BCO2: variants seen among roughly 807,000 people sequenced by gnomAD.
BCO2 encodes the protein beta-carotene oxygenase 2, also known as carotenoid-cleaving dioxygenase, mitochondrial.
In BCO2, 56 loss-of-function variants were observed where a neutral mutation model predicts 65.8. The ratio of observed to expected loss-of-function variants is 0.85; its 90% CI spans 0.69 to 1.06. The LOEUF (loss-of-function observed/expected upper bound fraction) is 1.06, where lower values mean the gene tolerates loss of function less well. Ranked by LOEUF, BCO2 falls within the 50% of genes least tolerant of loss-of-function variation. The pLI, the probability that BCO2 is intolerant of heterozygous loss-of-function variation, is 0.00. For missense variants in BCO2, 675 were observed against 698.5 expected, an observed-to-expected ratio of 0.97 and a Z score of 0.38; for synonymous variants, 233 against 242.3, an observed-to-expected ratio of 0.96 and a Z score of 0.36.
At chr11:112,189,224 C>T (rs924328147) in intron 2 of BCO2, among the ~76,000 whole-genome samples, 4 of 152,090 alleles carry the variant, frequency 2.6e-5, no homozygotes, top group Admixed American at 2.0e-4. Flanking sequence ...TGTGGTGGCT[C>T]ATGCCTGTAA....
intron 8 of BCO2, among the ~76,000 whole-genome samples, chr11:112,209,878 C>T (rs535457661): frequency 6.6e-6 from 1 of 151,948 alleles, no homozygotes; most frequent in Non-Finnish European, 1.5e-5. Flanking sequence ...GTTTAGAATT[C>T]TTTGTATCTA....
intron 8 of BCO2, among the ~76,000 whole-genome samples, chr11:112,213,334 G>T (rs1170248757): frequency 3.3e-5 from 5 of 151,418 alleles, no homozygotes; most frequent in African/African-American, 1.2e-4. Context: ...GTAAAGACAG[G>T]GTTTCTCCAT....
intron 7 of BCO2, 119 bp downstream of exon 7, chr11:112,200,892 G>C (rs1194312812): frequency 9.4e-7 from 1 of 1,068,224 alleles, no homozygotes; most frequent in African/African-American, 1.6e-5. Context: ...TTTAATCAAG[G>C]ATATTACCTT....
intron 2 of BCO2, among the ~76,000 whole-genome samples, chr11:112,189,274 A>G (rs901988322): frequency 6.6e-6 from 1 of 152,180 alleles, no homozygotes; most frequent in Non-Finnish European, 1.5e-5. Context: ...TAACCTCAGC[A>G]CTTTGGGAGG....
chr11:112,183,256 C>T, intron 2 of BCO2: 1 of 735,326 alleles, frequency 1.4e-6, no homozygotes, highest in Non-Finnish European at 2.5e-6. Flanking sequence ...TTTTCTTTCT[C>T]CATCCACTCA....
At chr11:112,183,065 T>C (rs1457993055) in intron 2 of BCO2, 5 of 1,205,026 alleles carry the variant, frequency 4.1e-6, no homozygotes, top group Non-Finnish European at 6.2e-6. Flanking sequence ...TGGCAGGAAC[T>C]GATTTAGATA....
chr11:112,193,452 AT>A (rs1566779324), intron 2 of BCO2, 21 bp from the exon 3 acceptor site: 1 of 1,592,416 alleles, frequency 6.3e-7, no homozygotes, highest in South Asian at 1.1e-5. Flanking sequence ...ACTGATATTT[AT>A]TTATTTTCTC....
In BCO2 at chr11:112,179,680, A is replaced by G. The variant is rs1866978680; in HGVS notation, c.293+198A>G. 3.2e-5 allele frequency: 19 copies of G among 591,178 alleles called. 1 individual carries two copies. The highest frequency in any genetic ancestry group is 2.9e-4 in the South Asian group (14 of 48,916). The allele number at this position is 591,178 out of a possible 1,614,324, so 36.6% of individuals were successfully genotyped here. ...TCCTGCTTTTTCTGCTCTGTAGACTATTGTAAATTTGAAGCCCTCTGTGGT... is the reference window on the plus strand; with the variant it reads ...TCCTGCTTTTTCTGCTCTGTAGACTGTTGTAAATTTGAAGCCCTCTGTGGT... On this transcript the variant is annotated intron_variant, in intron 2 of 11. Coordinates refer to ENST00000357685, the MANE Select transcript of BCO2 (RefSeq NM_031938.7).
intron 2 of BCO2, chr11:112,179,809 C>T (rs925437248): frequency 4.7e-5 from 15 of 316,654 alleles, no homozygotes; most frequent in African/African-American, 3.2e-4. Context: ...ACCACTCTCT[C>T]CCTCACCCAG....
rs199733159 is a variant in BCO2 at position 112,179,445 on chromosome 11, C to A, written c.256C>A (p.Arg86=). Reference sequence around the variant, plus strand: ...TAAGTGGCTCAATGGCTCTCTACTTCGAATTGGACCTGGGAAATTCGAGTT... The same window carrying A: ...TAAGTGGCTCAATGGCTCTCTACTTAGAATTGGACCTGGGAAATTCGAGTT... ...FPKWLNGSLL[R]IGPGKFEFGK... The change falls in exon 2 of 12, where the codon CGA becomes AGA. Residue 86 remains arginine (R), a synonymous_variant. Coordinates refer to ENST00000357685, the MANE Select transcript of BCO2 (RefSeq NM_031938.7). 6.2e-7 allele frequency: 1 copy of A among 1,614,072 alleles called. No homozygotes were observed. The highest frequency in any genetic ancestry group is 1.7e-5 in the Admixed American group (1 of 60,016).
intron 1 of BCO2, among the ~76,000 whole-genome samples, chr11:112,178,510 A>G (rs1866944082): frequency 6.6e-6 from 1 of 152,224 alleles, no homozygotes; most frequent in Non-Finnish European, 1.5e-5. Flanking sequence ...TATGAGATAA[A>G]GAATTCTATT....
chr11:112,193,533 C>T lies in BCO2; in HGVS notation c.353C>T (p.Thr118Ile). ...LLHQFRMAKGTVTYRSKFLQS... is the reference protein window; with the variant it reads ...LLHQFRMAKGIVTYRSKFLQS... ...CACCAGTTCAGAATGGCAAAGGGCA[C>T]AGTGACATACAGGAGCAAGTTTCTA... The change falls in exon 3 of 12, where the codon ACA (threonine) becomes ATA (isoleucine). Residue 118 changes from threonine (T) to isoleucine (I), a missense_variant. Thr to Ile is a moderately conservative substitution (Grantham distance 89). Coordinates refer to ENST00000357685, the MANE Select transcript of BCO2 (RefSeq NM_031938.7). The T allele has an allele frequency of 4.3e-6, 7 of 1,614,110 alleles. No homozygotes were observed. The highest frequency in any genetic ancestry group is 5.9e-6 in the Non-Finnish European group (7 of 1,180,008).
chr11:112,207,405 A>C (rs1424776239), intron 8 of BCO2, among the ~76,000 whole-genome samples: 2 of 152,170 alleles, frequency 1.3e-5, no homozygotes, highest in Non-Finnish European at 2.9e-5. Context: ...TACGTTGTAC[A>C]TCTTGTTTTA....
At chr11:112,213,131 CTTTTTTTTTTT>C (rs35527541) in intron 8 of BCO2, among the ~76,000 whole-genome samples, 2 of 63,064 alleles carry the variant, frequency 3.2e-5, no homozygotes, top group African/African-American at 7.5e-5. Flanking sequence ...AATTAAATAA[CTTTTTTTTTTT>C]TTTTTTTTTT....
intron 1 of BCO2, among the ~76,000 whole-genome samples, chr11:112,178,461 A>C (rs1035214392): frequency 3.3e-5 from 5 of 152,158 alleles, no homozygotes; most frequent in Non-Finnish European, 7.3e-5. Context: ...ATGTTAGCTC[A>C]TTTTTCTAGC....
intron 7 of BCO2, among the ~76,000 whole-genome samples, chr11:112,201,111 A>G (rs1396974015): frequency 6.6e-6 from 1 of 152,006 alleles, no homozygotes; most frequent in African/African-American, 2.4e-5. Flanking sequence ...TTGCAGTAAT[A>G]CTTTAATTAG....
At chr11:112,192,925 G>GTTTTTTTTTGTTTTTTTTTTTTTTTT (rs1867434124) in intron 2 of BCO2, among the ~76,000 whole-genome samples, 1 of 36,658 alleles carries the variant, frequency 2.7e-5, no homozygotes, top group African/African-American at 1.0e-4. Context: ...AAAATGTGAG[G>GTTTTTTTTTGTTTTTTTTTTTTTTTT]TTTTTTTTTT....
intron 2 of BCO2, 192 bp downstream of exon 2, chr11:112,179,674 T>G: frequency 1.7e-6 from 1 of 599,342 alleles, no homozygotes; most frequent in East Asian, 2.9e-5. Flanking sequence ...TTCTGCTCTG[T>G]AGACTATTGT....
chr11:112,191,814 C>T (rs1362303928), intron 2 of BCO2, among the ~76,000 whole-genome samples: 1 of 152,038 alleles, frequency 6.6e-6, no homozygotes, highest in Non-Finnish European at 1.5e-5. Flanking sequence ...GAAGTAAACC[C>T]AGGAACTTAG....
Sources: allele counts gnomAD v4.1 joint callset (sites outside exome capture counted in the v4.1 genomes callset), GRCh38; gene constraint gnomAD v4.1.1; transcripts MANE v1.5; gene names NCBI Gene and HGNC (gene_info 2026-07-23, HGNC 2026-07-21).